The following SLC4A7 variants were observed in gnomAD, a reference collection of about 807,000 sequenced individuals.
The protein encoded by SLC4A7 is sodium bicarbonate cotransporter 3.
A neutral mutation model predicts 137.6 loss-of-function variants in SLC4A7; 51 were observed. The ratio of observed to expected loss-of-function variants is 0.37; its 90% CI spans 0.30 to 0.47. The LOEUF is 0.47. Ranked by LOEUF, SLC4A7 falls within the 20% of genes least tolerant of loss-of-function variation. The pLI is 1.00. For missense variants in SLC4A7, 1,247 were observed against 1,525.4 expected, an observed-to-expected ratio of 0.82 and a Z score of 3.04; for synonymous variants, 542 against 518.6, an observed-to-expected ratio of 1.05 and a Z score of -0.61.
chr3:27,415,144 C>T (rs1035254887), intron 11 of SLC4A7, among the ~76,000 whole-genome samples: 5 of 152,158 alleles, frequency 3.3e-5, no homozygotes, highest in Admixed American at 2.6e-4. Context: ...AGACATTGTG[C>T]TTGGGTGCAA....
intron 3 of SLC4A7, among the ~76,000 whole-genome samples, chr3:27,438,810 G>A (rs1385616645): frequency 6.6e-6 from 1 of 152,114 alleles, no homozygotes; most frequent in Non-Finnish European, 1.5e-5. Context: ...AAAAAATGAT[G>A]AGAAAACTCA....
chr3:27,397,841 G>C, intron 17 of SLC4A7, 44 bp from the exon 18 acceptor site: 1 of 1,097,204 alleles, frequency 9.1e-7, no homozygotes, highest in Admixed American at 2.2e-5. Flanking sequence ...GAAATACTAT[G>C]TGTTCTTTCT....
chr3:27,407,078 GGGC>G (rs1276588090), intron 13 of SLC4A7, among the ~76,000 whole-genome samples: 7 of 149,868 alleles, frequency 4.7e-5, no homozygotes, highest in African/African-American at 1.7e-4. Flanking sequence ...TCCTAATCTT[GGGC>G]TGAAAAGCAG....
intron 23 of SLC4A7, among the ~76,000 whole-genome samples, chr3:27,383,508 T>C (rs547840098): frequency 6.6e-6 from 1 of 152,354 alleles, no homozygotes; most frequent in East Asian, 1.9e-4. Context: ...TTAACTACAA[T>C]TTAACTACAT....
chr3:27,406,025 T>A (rs1413841074), intron 13 of SLC4A7, among the ~76,000 whole-genome samples: 5 of 152,046 alleles, frequency 3.3e-5, no homozygotes, highest in Non-Finnish European at 5.9e-5. Context: ...GAACGTACTA[T>A]CCAGAAAAGC....
chr3:27,442,379 T>A (rs1257814540), intron 3 of SLC4A7, among the ~76,000 whole-genome samples: 1 of 152,102 alleles, frequency 6.6e-6, no homozygotes, highest in African/African-American at 2.4e-5. Context: ...AAATGGGTTT[T>A]ATCCCATGAA....
intron 13 of SLC4A7, among the ~76,000 whole-genome samples, chr3:27,409,091 T>G (rs1000463902): frequency 8.5e-5 from 13 of 152,118 alleles, no homozygotes; most frequent in African/African-American, 3.1e-4. Flanking sequence ...AATCCAAGCC[T>G]TTTACTCAAT....
At chr3:27,410,870 C>T (rs1298246716) in intron 12 of SLC4A7, among the ~76,000 whole-genome samples, 2 of 151,996 alleles carry the variant, frequency 1.3e-5, no homozygotes, top group African/African-American at 4.8e-5. Context: ...TTCAGTATGC[C>T]AGTTACTTAT....
intron 22 of SLC4A7, among the ~76,000 whole-genome samples, chr3:27,389,441 T>C (rs1476421537): frequency 1.3e-5 from 2 of 152,172 alleles, no homozygotes; most frequent in African/African-American, 2.4e-5. Context: ...AATTTTTACA[T>C]AGCATTTACA....
chr3:27,385,352 C>T (rs1216340560), intron 23 of SLC4A7, among the ~76,000 whole-genome samples: 1 of 152,084 alleles, frequency 6.6e-6, no homozygotes, highest in Non-Finnish European at 1.5e-5. Flanking sequence ...TACAAATCAA[C>T]TAATGGTGGT....
At chr3:27,450,943 T>C (rs141932391) in intron 2 of SLC4A7, among the ~76,000 whole-genome samples, 10 of 152,150 alleles carry the variant, frequency 6.6e-5, no homozygotes, top group Admixed American at 3.9e-4. Context: ...CGAAGGAATA[T>C]CCAGGTTATG....
chr3:27,448,417 C>T (rs2057831461), intron 3 of SLC4A7, among the ~76,000 whole-genome samples: 1 of 151,524 alleles, frequency 6.6e-6, no homozygotes, highest in Non-Finnish European at 1.5e-5. Flanking sequence ...AAACAAAGCC[C>T]TTTATTTTTT....
intron 21 of SLC4A7, among the ~76,000 whole-genome samples, chr3:27,391,531 C>T (rs2051556302): frequency 6.6e-6 from 1 of 152,132 alleles, no homozygotes; most frequent in South Asian, 2.1e-4. Context: ...CAGGTAAGGA[C>T]CATGTCAGCT....
intron 2 of SLC4A7, 135 bp from the exon 3 acceptor site, chr3:27,448,932 T>C: frequency 3.8e-6 from 2 of 530,020 alleles, no homozygotes; most frequent in Non-Finnish European, 6.2e-6. Context: ...CAGTTACTTC[T>C]CTTATTTTAT....
chr3:27,477,699 G>A (rs1045158639), intron 1 of SLC4A7, among the ~76,000 whole-genome samples: 4 of 152,050 alleles, frequency 2.6e-5, no homozygotes, highest in Admixed American at 1.3e-4. Flanking sequence ...CCACCTCCTG[G>A]GTTCGAGCGA....
chr3:27,399,267 T>C (rs987700570), intron 16 of SLC4A7, among the ~76,000 whole-genome samples: 25 of 152,190 alleles, frequency 1.6e-4, no homozygotes, highest in African/African-American at 5.8e-4. Context: ...CATGGCCCTT[T>C]GGGATAACAT....
chr3:27,437,628 C>A (rs2056839604), intron 3 of SLC4A7, 102 bp from the exon 4 acceptor site: 9 of 539,124 alleles, frequency 1.7e-5, no homozygotes, highest in East Asian at 7.2e-5. Context: ...CCTGTATAAA[C>A]AAATATATTT....
chr3:27,406,296 C>T (rs1412657765), intron 13 of SLC4A7, among the ~76,000 whole-genome samples: 1 of 152,138 alleles, frequency 6.6e-6, no homozygotes, highest in Admixed American at 6.5e-5. Context: ...TGGTGTCTGG[C>T]ACACAGAATA....
intron 23 of SLC4A7, among the ~76,000 whole-genome samples, chr3:27,384,625 A>G (rs960471356): frequency 5.9e-5 from 9 of 152,188 alleles, no homozygotes; most frequent in Admixed American, 2.6e-4. Context: ...AATTTGGCCC[A>G]TATATTTTAT....
Sources: allele counts gnomAD v4.1 joint callset (sites outside exome capture counted in the v4.1 genomes callset), GRCh38; gene constraint gnomAD v4.1.1; transcripts MANE v1.5; gene names NCBI Gene and HGNC (gene_info 2026-07-23, HGNC 2026-07-21).